ROBO1: variants seen among roughly 807,000 people sequenced by gnomAD.
ROBO1 encodes roundabout guidance receptor 1.
ROBO1 carries 149 observed loss-of-function variants against 195.9 expected under a neutral mutation model. The ratio of observed to expected loss-of-function variants is 0.76; its 90% CI spans 0.67 to 0.87. ROBO1 has a LOEUF of 0.87. Ranked by LOEUF, ROBO1 falls within the 40% of genes least tolerant of loss-of-function variation. The pLI, the probability that ROBO1 is intolerant of heterozygous loss-of-function variation, is 0.00. For synonymous variants in ROBO1, 816 were observed against 733.2 expected (o/e 1.11, Z -1.82); for missense variants, 1,933 against 2,068.3 (o/e 0.93, Z 1.27).
chr3:79,176,372 T>G (rs1486487863), intron 2 of ROBO1, among the ~76,000 whole-genome samples: 1 of 152,220 alleles, frequency 6.6e-6, no homozygotes, highest in African/African-American at 2.4e-5. Context: ...GTGTATCATA[T>G]TTTGTCATCA....
At chr3:79,250,953 G>T (rs2082717230) in intron 2 of ROBO1, among the ~76,000 whole-genome samples, 1 of 152,146 alleles carries the variant, frequency 6.6e-6, no homozygotes, top group Non-Finnish European at 1.5e-5. Flanking sequence ...TACTCTGGAG[G>T]CTTAGGCACA....
At chr3:78,768,543 A>G (rs982155722) in intron 4 of ROBO1, among the ~76,000 whole-genome samples, 4 of 151,924 alleles carry the variant, frequency 2.6e-5, no homozygotes, top group African/African-American at 4.8e-5. Flanking sequence ...ATGTTTTTCT[A>G]TTTCTATATG....
At chr3:79,053,109 A>G (rs564114796) in intron 3 of ROBO1, among the ~76,000 whole-genome samples, 1 of 152,066 alleles carries the variant, frequency 6.6e-6, no homozygotes, top group African/African-American at 2.4e-5. Flanking sequence ...CTCCAAAGGA[A>G]ATTATGTTCC....
rs1013564377 is a variant in ROBO1 at position 79,129,895 on chromosome 3, A to G, written c.89-4356T>C. Among the ~76,000 whole-genome samples the G allele has an allele frequency of 1.5e-3, 220 of 144,630 alleles. 1 individual carries two copies. Among genetic ancestry groups the G allele is most frequent in the African/African-American group, 5.2e-3 (202 of 38,700 alleles). 94.9% of individuals were successfully genotyped at this position (144,630 alleles called of 152,430 possible). On this transcript the variant is annotated intron_variant, in intron 2 of 30. Transcript: ENST00000464233. ...AAGGGATCCAGTTTCAGCTTTCTAC[A>G]TATGGCTAGCCAGTTTTCCCAGCAC...
chr3:79,050,464 C>T (rs900697448), intron 3 of ROBO1, among the ~76,000 whole-genome samples: 3 of 152,076 alleles, frequency 2.0e-5, no homozygotes, highest in Non-Finnish European at 2.9e-5. Context: ...CTTTAACACC[C>T]CACTACCAAT....
At chr3:78,943,249 G>A (rs994304805) in intron 3 of ROBO1, among the ~76,000 whole-genome samples, 8 of 152,106 alleles carry the variant, frequency 5.3e-5, no homozygotes, top group African/African-American at 1.9e-4. Context: ...GTTTTGTTTT[G>A]TTTTGTTTTT....
chr3:79,056,681 C>A (rs1192541705), intron 3 of ROBO1, among the ~76,000 whole-genome samples: 1 of 152,052 alleles, frequency 6.6e-6, no homozygotes, highest in African/African-American at 2.4e-5. Context: ...GAGCTTTGAA[C>A]CCTGAGGCGT....
chr3:78,664,570 A>G (rs960381493), intron 14 of ROBO1, among the ~76,000 whole-genome samples: 3 of 152,102 alleles, frequency 2.0e-5, no homozygotes, highest in Non-Finnish European at 4.4e-5. Context: ...ACCACATAAC[A>G]AGGCTCTAAC....
intron 2 of ROBO1, among the ~76,000 whole-genome samples, chr3:79,448,960 T>A (rs2039357928): frequency 6.6e-6 from 1 of 152,304 alleles, no homozygotes; most frequent in African/African-American, 2.4e-5. Flanking sequence ...CCAGACATTG[T>A]GGCTCATGCC....
intron 4 of ROBO1, among the ~76,000 whole-genome samples, chr3:78,848,176 C>A (rs991688662): frequency 5.3e-5 from 8 of 152,036 alleles, no homozygotes; most frequent in African/African-American, 1.9e-4. Context: ...TATTAGCTAT[C>A]TTAAAGGGCA....
At chr3:79,089,197 C>A (rs2108484274) in intron 3 of ROBO1, among the ~76,000 whole-genome samples, 1 of 152,146 alleles carries the variant, frequency 6.6e-6, no homozygotes, top group South Asian at 2.1e-4. Context: ...AAATCATATA[C>A]CTCAGGTTAT....
intron 3 of ROBO1, among the ~76,000 whole-genome samples, chr3:79,091,171 G>T (rs562334987): frequency 6.6e-6 from 1 of 152,098 alleles, no homozygotes; most frequent in East Asian, 1.9e-4. Context: ...GGGAAAAAAT[G>T]CATACTTTTC....
chr3:78,793,702 T>C (rs1355469144), intron 4 of ROBO1, among the ~76,000 whole-genome samples: 1 of 152,046 alleles, frequency 6.6e-6, no homozygotes, highest in Non-Finnish European at 1.5e-5. Context: ...ATATGCTAAA[T>C]TTTAGATTGG....
intron 2 of ROBO1, among the ~76,000 whole-genome samples, chr3:79,207,475 T>G (rs2081891188): frequency 6.6e-6 from 1 of 152,084 alleles, no homozygotes; most frequent in African/African-American, 2.4e-5. Flanking sequence ...TGGAGCTGAG[T>G]GCATGGCCTA....
intron 3 of ROBO1, among the ~76,000 whole-genome samples, chr3:78,969,496 C>G (rs2076717067): frequency 6.6e-6 from 1 of 152,164 alleles, no homozygotes; most frequent in African/African-American, 2.4e-5. Context: ...CATATTTTAT[C>G]CTGACTCTAG....
chr3:79,755,436 A>C (rs1704336154), intron 1 of ROBO1, among the ~76,000 whole-genome samples: 1 of 151,858 alleles, frequency 6.6e-6, no homozygotes, highest in South Asian at 2.1e-4. Flanking sequence ...AAACAAAAAA[A>C]CCCTCACAGC....
intron 2 of ROBO1, among the ~76,000 whole-genome samples, chr3:79,417,813 T>C (rs2038066073): frequency 6.6e-6 from 1 of 152,132 alleles, no homozygotes; most frequent in Admixed American, 6.6e-5. Flanking sequence ...TAGAGAAGTA[T>C]TTTTGTGTGT....
At chr3:79,204,107 A>G (rs537981779) in intron 2 of ROBO1, among the ~76,000 whole-genome samples, 4 of 152,158 alleles carry the variant, frequency 2.6e-5, no homozygotes, top group South Asian at 2.1e-4. Flanking sequence ...ATAGTTGTAC[A>G]TATTTTTGAG....
chr3:78,990,125 T>G (rs908122918), intron 3 of ROBO1, among the ~76,000 whole-genome samples: 1 of 152,314 alleles, frequency 6.6e-6, no homozygotes, highest in South Asian at 2.1e-4. Context: ...AATTTTAAAA[T>G]TTTTCCTAAG....
Sources: allele counts gnomAD v4.1 joint callset (sites outside exome capture counted in the v4.1 genomes callset), GRCh38; gene constraint gnomAD v4.1.1; transcripts MANE v1.5; gene names NCBI Gene and HGNC (gene_info 2026-07-23, HGNC 2026-07-21).